ZNG1B: variants seen among roughly 807,000 people sequenced by gnomAD.
ZNG1B encodes the protein zinc-regulated GTPase metalloprotein activator 1B.
At chr2:113,476,802 T>G in the ZNG1B span, among the ~76,000 whole-genome samples, 31 of 152,136 alleles carry the variant, frequency 2.0e-4, no homozygotes, top group East Asian at 3.8e-4. Flanking sequence ...CTGCCTCTGC[T>G]AGGGAGTGCC....
the ZNG1B span, among the ~76,000 whole-genome samples, chr2:113,461,224 T>A: frequency 6.7e-6 from 1 of 149,622 alleles, no homozygotes; most frequent in Non-Finnish European, 1.5e-5. Context: ...TTTTTGCATT[T>A]TTTTTTAAAT....
At chr2:113,473,604 T>G in the ZNG1B span, among the ~76,000 whole-genome samples, 2 of 151,258 alleles carry the variant, frequency 1.3e-5, no homozygotes, top group Admixed American at 1.3e-4. Context: ...GCCCATTCAG[T>G]ATGATATTGG....
chr2:113,459,665 A>G, the ZNG1B span, among the ~76,000 whole-genome samples: 4 of 151,770 alleles, frequency 2.6e-5, no homozygotes, highest in African/African-American at 9.7e-5. Flanking sequence ...TGAAAGCTAA[A>G]TGAGAAAAAT....
the ZNG1B span, chr2:113,445,059 A>G: frequency 1.2e-6 from 2 of 1,608,410 alleles, no homozygotes. Context: ...GACCCAGGTA[A>G]GAAGTGAGGT....
At chr2:113,491,349 T>TA in the ZNG1B span, among the ~76,000 whole-genome samples, 1 of 97,086 alleles carries the variant, frequency 1.0e-5, no homozygotes, top group Non-Finnish European at 2.1e-5. Context: ...CCCAAATACT[T>TA]ACAGCCAACT....
the ZNG1B span, among the ~76,000 whole-genome samples, chr2:113,472,633 T>G: frequency 6.6e-6 from 1 of 152,142 alleles, no homozygotes; most frequent in South Asian, 2.1e-4. Flanking sequence ...AACGTTTAAG[T>G]CTTTAATCCA....
chr2:113,472,584 G>A, the ZNG1B span, among the ~76,000 whole-genome samples: 3 of 152,042 alleles, frequency 2.0e-5, no homozygotes. Flanking sequence ...GAATGGTAAT[G>A]CCTAGGTCTT....
the ZNG1B span, chr2:113,456,963 C>T: frequency 2.2e-6 from 1 of 452,680 alleles, no homozygotes; most frequent in Non-Finnish European, 4.4e-6. Flanking sequence ...TACCCTGTGG[C>T]CAGCCAGCCA....
the ZNG1B span, chr2:113,439,104 C>T: frequency 8.5e-6 from 13 of 1,536,368 alleles, no homozygotes; most frequent in Non-Finnish European, 1.1e-5. Flanking sequence ...GGGCCTTTCC[C>T]GTATTGCTCA....
At chr2:113,465,803 C>T in the ZNG1B span, 1 of 942,758 alleles carries the variant, frequency 1.1e-6, no homozygotes, top group Non-Finnish European at 1.2e-6. Flanking sequence ...ATAGACTCAG[C>T]AACAGGCAGC....
the ZNG1B span, chr2:113,470,701 T>C: frequency 9.4e-6 from 3 of 319,602 alleles, no homozygotes; most frequent in Non-Finnish European, 1.8e-5. Flanking sequence ...TTAATTCTAT[T>C]TGTCATTTCT....
the ZNG1B span, chr2:113,462,523 T>C: frequency 1.3e-6 from 2 of 1,581,204 alleles, no homozygotes; most frequent in Non-Finnish European, 1.7e-6. Flanking sequence ...GTTAAGTGCC[T>C]ACAGATCCAT....
At chr2:113,469,540 AT>A in the ZNG1B span, 2 of 147,360 alleles carry the variant, frequency 1.4e-5, no homozygotes, top group South Asian at 4.5e-4. Context: ...ATATTCAAAA[AT>A]TTCTTCATAG....
the ZNG1B span, among the ~76,000 whole-genome samples, chr2:113,471,475 T>A: frequency 1.2e-3 from 179 of 150,438 alleles, no homozygotes; most frequent in South Asian, 2.1e-3. Flanking sequence ...AGTTTTTTTT[T>A]AATTTATTTA....
chr2:113,442,656 A>G, the ZNG1B span, among the ~76,000 whole-genome samples: 1 of 152,036 alleles, frequency 6.6e-6, no homozygotes, highest in Non-Finnish European at 1.5e-5. Flanking sequence ...TTTATTTTTC[A>G]CAGCATTCTC....
the ZNG1B span, chr2:113,445,002 A>G: frequency 6.2e-7 from 1 of 1,610,816 alleles, no homozygotes; most frequent in Non-Finnish European, 8.5e-7. Flanking sequence ...TTGATGCAAA[A>G]GAAGGGGAAA....
At chr2:113,483,494 C>A in the ZNG1B span, among the ~76,000 whole-genome samples, 3 of 149,198 alleles carry the variant, frequency 2.0e-5, no homozygotes, top group East Asian at 5.9e-4. Context: ...CATGTGGAGC[C>A]TTTTTAAAAA....
At chr2:113,461,046 T>C in the ZNG1B span, among the ~76,000 whole-genome samples, 24 of 147,442 alleles carry the variant, frequency 1.6e-4, no homozygotes, top group African/African-American at 5.9e-4. Flanking sequence ...TATATATATG[T>C]ATAATAATAA....
the ZNG1B span, among the ~76,000 whole-genome samples, chr2:113,477,251 G>A: frequency 2.6e-5 from 4 of 152,304 alleles, no homozygotes; most frequent in South Asian, 2.1e-4. Flanking sequence ...TCGGAAAAGC[G>A]CAGTATTCGG....
Sources: allele counts gnomAD v4.1 joint callset (sites outside exome capture counted in the v4.1 genomes callset), GRCh38; gene constraint gnomAD v4.1.1; transcripts MANE v1.5; gene names NCBI Gene and HGNC (gene_info 2026-07-23, HGNC 2026-07-21).